Variants in NEDD4L observed in about 807,000 individuals in gnomAD.
NEDD4L encodes NEDD4 like E3 ubiquitin protein ligase, also known as E3 ubiquitin-protein ligase NEDD4-like.
Under a neutral mutation model 148.9 loss-of-function variants are expected in NEDD4L, and 54 were observed. The observed-to-expected ratio is 0.36, with a 90% CI of 0.29 to 0.45. The LOEUF is 0.45. Ranked by LOEUF, NEDD4L falls within the 20% of genes least tolerant of loss-of-function variation. The pLI is 1.00. For synonymous variants in NEDD4L, 433 were observed against 440.7 expected, an observed-to-expected ratio of 0.98 and a Z score of 0.22; for missense variants, 856 against 1,233.8, an observed-to-expected ratio of 0.69 and a Z score of 4.59.
At chr18:58,375,427 T>C (rs2047438175) in intron 24 of NEDD4L, among the ~76,000 whole-genome samples, 1 of 152,106 alleles carries the variant, frequency 6.6e-6, no homozygotes, top group African/African-American at 2.4e-5. Context: ...TACTTGGCCA[T>C]CTTGTGACCT....
intron 19 of NEDD4L, 151 bp from the exon 20 acceptor site, chr18:58,364,117 G>T: frequency 3.2e-6 from 2 of 631,388 alleles, no homozygotes; most frequent in Non-Finnish European, 2.8e-6. Context: ...CCCCTGTGCT[G>T]TGTAGACATT....
At chr18:58,171,604 A>G (rs1024565286) in intron 2 of NEDD4L, among the ~76,000 whole-genome samples, 2 of 152,282 alleles carry the variant, frequency 1.3e-5, no homozygotes, top group East Asian at 3.8e-4. Context: ...ATCTTGGCAC[A>G]TGACAGTTGC....
At chr18:58,192,482 C>T (rs780623912) in intron 2 of NEDD4L, among the ~76,000 whole-genome samples, 1 of 152,200 alleles carries the variant, frequency 6.6e-6, no homozygotes. Context: ...TATTTAAGGG[C>T]ATCATCAGGG....
intron 2 of NEDD4L, among the ~76,000 whole-genome samples, chr18:58,186,584 C>G (rs1009745692): frequency 1.1e-4 from 16 of 152,198 alleles, no homozygotes; most frequent in Admixed American, 9.8e-4. Context: ...TTTTGAGACA[C>G]TGTAGCTTTA....
intron 2 of NEDD4L, among the ~76,000 whole-genome samples, chr18:58,178,717 C>T (rs975592045): frequency 2.0e-5 from 3 of 152,216 alleles, no homozygotes; most frequent in Non-Finnish European, 2.9e-5. Flanking sequence ...TGTGTGCTAA[C>T]GTTCCTTCTG....
At position 58,189,184 on chromosome 18, in the gene NEDD4L, C is replaced by T. The variant is rs779054719; in HGVS notation, c.122+23323C>T. Among the ~76,000 whole-genome samples the T allele has an allele frequency of 9.9e-5, 15 of 152,252 alleles. No individual in the cohort carries two copies. In the East Asian group the frequency reaches 1.4e-3, roughly 14 times the overall value. On this transcript the variant is annotated intron_variant, in intron 2 of 30. Transcript: ENST00000400345. ...CTTTATAAAGCCCACGTCAGGTTGT[C>T]GCTGCCTTTCTCTCTGTCTGCTAAG...
intron 1 of NEDD4L, among the ~76,000 whole-genome samples, chr18:58,135,199 T>C (rs1384137863): frequency 6.6e-6 from 1 of 152,054 alleles, no homozygotes. Context: ...ACACGATGAA[T>C]GGATAAATGA....
rs561408370 is a variant in NEDD4L, at chr18:58,059,219, G to A, written c.48+14511G>A. Among the ~76,000 whole-genome samples the A allele has an allele frequency of 1.1e-3, 174 of 152,108 alleles. 1 individual carries two copies. Among genetic ancestry groups the A allele is most frequent in the Non-Finnish European group, 2.1e-3 (143 of 68,004 alleles). On this transcript the variant is annotated intron_variant, in intron 1 of 30. Coordinates refer to ENST00000400345, the MANE Select transcript of NEDD4L (RefSeq NM_001144967.3). ...TCAGGGATGACACGTGTGAGCCACC[G>A]TGCTCAGCCCCTCCTCCTATTTTCT... is the stretch of plus-strand genomic sequence containing the variant.
chr18:58,223,495 G>A (rs2043997961), intron 2 of NEDD4L, among the ~76,000 whole-genome samples: 2 of 152,132 alleles, frequency 1.3e-5, no homozygotes. Context: ...AGCTTTTGTG[G>A]TCTTGACGGT....
chr18:58,122,238 G>A (rs559671508), intron 1 of NEDD4L, among the ~76,000 whole-genome samples: 172 of 152,298 alleles, frequency 1.1e-3, no homozygotes, highest in African/African-American at 3.6e-3. Context: ...TGTGGCTCAC[G>A]CCTGTAATCC....
intron 1 of NEDD4L, among the ~76,000 whole-genome samples, chr18:58,086,320 A>G (rs1161628054): frequency 6.6e-6 from 1 of 152,196 alleles, no homozygotes; most frequent in African/African-American, 2.4e-5. Flanking sequence ...TAGATCCATA[A>G]GAAACTTGGG....
chr18:58,313,839 G>A (rs746798510), intron 5 of NEDD4L, among the ~76,000 whole-genome samples: 2 of 152,224 alleles, frequency 1.3e-5, no homozygotes, highest in Admixed American at 1.3e-4. Context: ...AAAACAACAC[G>A]GGCATATAGA....
intron 1 of NEDD4L, among the ~76,000 whole-genome samples, chr18:58,153,906 C>T (rs925600266): frequency 6.6e-6 from 1 of 152,132 alleles, no homozygotes; most frequent in Non-Finnish European, 1.5e-5. Flanking sequence ...ACTTGGCCTC[C>T]AAAATGCTGG....
intron 19 of NEDD4L, chr18:58,357,547 CCCTT>C (rs2044852026): frequency 5.3e-6 from 3 of 569,446 alleles, no homozygotes; most frequent in African/African-American, 1.9e-5. Context: ...AAAATTCCCT[CCCTT>C]CCTTTTTATA....
intron 1 of NEDD4L, among the ~76,000 whole-genome samples, chr18:58,077,638 T>A (rs1195298756): frequency 6.6e-6 from 1 of 152,166 alleles, no homozygotes; most frequent in Admixed American, 6.5e-5. Context: ...CAGGAATCAG[T>A]ACTTTGAAAA....
At chr18:58,331,625 C>G (rs1255391171) in intron 11 of NEDD4L, among the ~76,000 whole-genome samples, 1 of 152,110 alleles carries the variant, frequency 6.6e-6, no homozygotes, top group African/African-American at 2.4e-5. Flanking sequence ...AGAAATAACC[C>G]ATAGAAAATC....
At chr18:58,203,609 A>G (rs575295167) in intron 2 of NEDD4L, among the ~76,000 whole-genome samples, 17 of 129,746 alleles carry the variant, frequency 1.3e-4, no homozygotes, top group Admixed American at 9.2e-4. Flanking sequence ...AAAGAAACAG[A>G]TGATCTTTTT....
intron 1 of NEDD4L, among the ~76,000 whole-genome samples, chr18:58,117,631 G>C (rs2085935538): frequency 6.6e-6 from 1 of 152,326 alleles, no homozygotes; most frequent in South Asian, 2.1e-4. Flanking sequence ...CAGAGCAATA[G>C]GGGGAGGTGT....
At chr18:58,071,519 A>G (rs1428791006) in intron 1 of NEDD4L, among the ~76,000 whole-genome samples, 2 of 152,214 alleles carry the variant, frequency 1.3e-5, no homozygotes, top group Non-Finnish European at 2.9e-5. Flanking sequence ...CTGAACAGCA[A>G]AAATAAAAGA....
Sources: allele counts gnomAD v4.1 joint callset (sites outside exome capture counted in the v4.1 genomes callset), GRCh38; gene constraint gnomAD v4.1.1; transcripts MANE v1.5; gene names NCBI Gene and HGNC (gene_info 2026-07-23, HGNC 2026-07-21).